Variants in HEMK2 observed in about 807,000 individuals in gnomAD.
HEMK2 encodes the protein methyltransferase HEMK2.
the HEMK2 span, among the ~76,000 whole-genome samples, chr21:28,720,460 T>C: frequency 6.6e-6 from 1 of 152,208 alleles, no homozygotes; most frequent in African/African-American, 2.4e-5. Context: ...GGGCCAGGCA[T>C]GATGGCTCAT....
At chr21:28,857,665 C>A in the HEMK2 span, among the ~76,000 whole-genome samples, 2 of 152,126 alleles carry the variant, frequency 1.3e-5, no homozygotes, top group Non-Finnish European at 2.9e-5. Context: ...TTACATTTAA[C>A]CTTGTCTGTT....
At chr21:28,857,199 A>G in the HEMK2 span, among the ~76,000 whole-genome samples, 2,465 of 152,278 alleles carry the variant, frequency 0.016, 74 homozygotes, top group African/African-American at 0.056. Flanking sequence ...ACTTTTTAGC[A>G]AACTTTGTAT....
chr21:28,661,065 T>C, the HEMK2 span, among the ~76,000 whole-genome samples: 1 of 152,248 alleles, frequency 6.6e-6, no homozygotes, highest in East Asian at 1.9e-4. Context: ...ATCAGTTCTA[T>C]GGTTATTTAC....
At chr21:28,796,173 C>T in the HEMK2 span, among the ~76,000 whole-genome samples, 2 of 152,160 alleles carry the variant, frequency 1.3e-5, no homozygotes, top group African/African-American at 2.4e-5. Flanking sequence ...CTCACTCTGT[C>T]GCCCAGGATG....
the HEMK2 span, among the ~76,000 whole-genome samples, chr21:28,778,694 C>T: frequency 2.6e-5 from 4 of 152,314 alleles, no homozygotes; most frequent in East Asian, 1.9e-4. Context: ...TATCTTTTCA[C>T]GTGCTTTTTG....
chr21:28,830,185 T>G, the HEMK2 span, among the ~76,000 whole-genome samples: 1 of 152,230 alleles, frequency 6.6e-6, no homozygotes, highest in Non-Finnish European at 1.5e-5. Flanking sequence ...TGATATGGTT[T>G]GGCTCTGTGT....
At chr21:28,797,103 C>T in the HEMK2 span, among the ~76,000 whole-genome samples, 2 of 152,084 alleles carry the variant, frequency 1.3e-5, no homozygotes, top group East Asian at 1.9e-4. Context: ...TGGTAAACTG[C>T]CTTGGATGCC....
At chr21:28,586,467 C>T in the HEMK2 span, among the ~76,000 whole-genome samples, 1 of 152,280 alleles carries the variant, frequency 6.6e-6, no homozygotes, top group African/African-American at 2.4e-5. Flanking sequence ...AAGATGATTG[C>T]TTGCTACCAA....
chr21:28,691,642 A>G, the HEMK2 span, among the ~76,000 whole-genome samples: 1 of 152,174 alleles, frequency 6.6e-6, no homozygotes, highest in Non-Finnish European at 1.5e-5. Flanking sequence ...CAATGCCACA[A>G]TCTAGGAGCT....
At chr21:28,592,198 C>T in the HEMK2 span, among the ~76,000 whole-genome samples, 4 of 152,202 alleles carry the variant, frequency 2.6e-5, no homozygotes, top group African/African-American at 9.7e-5. Flanking sequence ...TTCTCCACAA[C>T]CTCACCAGCA....
the HEMK2 span, among the ~76,000 whole-genome samples, chr21:28,830,472 G>A: frequency 6.6e-6 from 1 of 152,182 alleles, no homozygotes; most frequent in Admixed American, 6.5e-5. Context: ...CTATGGAACT[G>A]TGAGTCAATT....
the HEMK2 span, among the ~76,000 whole-genome samples, chr21:28,614,082 T>G: frequency 1.3e-5 from 2 of 152,252 alleles, no homozygotes; most frequent in African/African-American, 4.8e-5. Flanking sequence ...GAATAAAGTT[T>G]ATAATTCCTT....
At chr21:28,590,721 A>G in the HEMK2 span, among the ~76,000 whole-genome samples, 1 of 152,232 alleles carries the variant, frequency 6.6e-6, no homozygotes, top group African/African-American at 2.4e-5. Context: ...ACTGATGAAA[A>G]TCTGGCACCA....
the HEMK2 span, among the ~76,000 whole-genome samples, chr21:28,853,959 T>C: frequency 6.6e-6 from 1 of 152,162 alleles, no homozygotes; most frequent in Non-Finnish European, 1.5e-5. Context: ...AGGTCAGCCA[T>C]ATACACGATA....
At chr21:28,612,919 T>C in the HEMK2 span, among the ~76,000 whole-genome samples, 2 of 152,120 alleles carry the variant, frequency 1.3e-5, no homozygotes, top group Middle Eastern at 3.2e-3. Flanking sequence ...GAAACACTGA[T>C]GAAAGACATC....
the HEMK2 span, among the ~76,000 whole-genome samples, chr21:28,709,477 C>A: frequency 6.6e-6 from 1 of 152,136 alleles, no homozygotes; most frequent in Non-Finnish European, 1.5e-5. Flanking sequence ...TTCCAACCGG[C>A]TGTTATAAAA....
chr21:28,654,510 C>A, the HEMK2 span, among the ~76,000 whole-genome samples: 1 of 152,070 alleles, frequency 6.6e-6, no homozygotes, highest in Admixed American at 6.6e-5. Flanking sequence ...TTCACCAGCA[C>A]TCTAAGTCAA....
chr21:28,703,197 A>T, the HEMK2 span, among the ~76,000 whole-genome samples: 1 of 152,272 alleles, frequency 6.6e-6, no homozygotes, highest in Non-Finnish European at 1.5e-5. Context: ...AATCAAAAAC[A>T]CTACCTATCA....
chr21:28,872,555 G>T, the HEMK2 span: 50,737 of 152,008 alleles, frequency 0.33, 8,710 homozygotes, highest in East Asian at 0.59. Context: ...TTCATAGCTA[G>T]CTGTTTTATA....
Sources: gnomAD v4.1 joint callset for allele counts (sites outside exome capture counted in the v4.1 genomes callset) on GRCh38, gnomAD v4.1.1 for gene constraint, MANE v1.5 for transcripts, NCBI Gene and HGNC (gene_info 2026-07-23, HGNC 2026-07-21) for gene names.